The following SHISA9 variants were observed in gnomAD, a reference collection of about 807,000 sequenced individuals.
The protein encoded by SHISA9 is shisa family member 9, also known as protein shisa-9.
In SHISA9, 13 loss-of-function variants were observed where a neutral mutation model predicts 38.0. The ratio of observed to expected loss-of-function variants is 0.34; its 90% CI spans 0.22 to 0.54. The LOEUF (loss-of-function observed/expected upper bound fraction) is 0.54, where lower values mean the gene tolerates loss of function less well. Ranked by LOEUF, SHISA9 falls within the 20% of genes least tolerant of loss-of-function variation. The pLI, the probability that SHISA9 is intolerant of heterozygous loss-of-function variation, is 0.91. For missense variants in SHISA9, 538 were observed against 575.8 expected, an observed-to-expected ratio of 0.93 and a Z score of 0.67; for synonymous variants, 275 against 242.0, an observed-to-expected ratio of 1.14 and a Z score of -1.27.
chr16:13,199,763 A>G (rs894875491), intron 2 of SHISA9, among the ~76,000 whole-genome samples: 1 of 152,166 alleles, frequency 6.6e-6, no homozygotes, highest in Non-Finnish European at 1.5e-5. Context: ...CTCTGGTCCA[A>G]TCATCATTAT....
chr16:13,497,992 G>A, the SHISA9 span, among the ~76,000 whole-genome samples: 8,709 of 151,240 alleles, frequency 0.058, 476 homozygotes, highest in South Asian at 0.25. Context: ...GTGAGCAATA[G>A]AAAAAAAATC....
chr16:13,049,571 C>G (rs2073227282), intron 2 of SHISA9, among the ~76,000 whole-genome samples: 1 of 152,162 alleles, frequency 6.6e-6, no homozygotes, highest in Non-Finnish European at 1.5e-5. Flanking sequence ...GATACTGGGC[C>G]TGGCTGCATG....
chr16:13,154,470 C>T (rs2050525785), intron 2 of SHISA9, among the ~76,000 whole-genome samples: 3 of 152,216 alleles, frequency 2.0e-5, no homozygotes, highest in Admixed American at 2.0e-4. Context: ...GTGCTTTTCC[C>T]CTCCATCATG....
chr16:13,393,970 G>A, the SHISA9 span, among the ~76,000 whole-genome samples: 1 of 152,064 alleles, frequency 6.6e-6, no homozygotes, highest in Non-Finnish European at 1.5e-5. Context: ...TCTTTGCCAC[G>A]GTGCTCTACG....
chr16:13,479,962 C>T, the SHISA9 span, among the ~76,000 whole-genome samples: 3 of 152,204 alleles, frequency 2.0e-5, no homozygotes, highest in African/African-American at 7.2e-5. Context: ...CCTGAATTCA[C>T]GTTCTGCCTT....
chr16:13,059,970 A>G (rs2073355237), intron 2 of SHISA9, among the ~76,000 whole-genome samples: 1 of 152,202 alleles, frequency 6.6e-6, no homozygotes, highest in Non-Finnish European at 1.5e-5. Context: ...CATTTAAGCC[A>G]TCCTGTCTGT....
At chr16:13,389,623 T>C in the SHISA9 span, among the ~76,000 whole-genome samples, 124,287 of 152,110 alleles carry the variant, frequency 0.82, 50,913 homozygotes, top group East Asian at 0.96. Context: ...AGCCCAGGGA[T>C]CATAGCATGG....
At chr16:12,958,228 A>G (rs1202612790) in intron 2 of SHISA9, among the ~76,000 whole-genome samples, 1 of 152,264 alleles carries the variant, frequency 6.6e-6, no homozygotes, top group East Asian at 1.9e-4. Flanking sequence ...GTAGTGCGGT[A>G]TTCCATTGCA....
At chr16:13,051,093 C>T (rs201798676) in intron 2 of SHISA9, among the ~76,000 whole-genome samples, 2 of 152,118 alleles carry the variant, frequency 1.3e-5, no homozygotes, top group East Asian at 3.9e-4. Flanking sequence ...CTACTGAGTA[C>T]GTACTTGTAT....
chr16:13,459,779 C>G, the SHISA9 span, among the ~76,000 whole-genome samples: 26,200 of 152,028 alleles, frequency 0.17, 2,641 homozygotes, highest in East Asian at 0.35. Context: ...AAGCAAAGGA[C>G]AAAAGGAAAG....
At chr16:12,998,536 T>G (rs1199636779) in intron 2 of SHISA9, among the ~76,000 whole-genome samples, 1 of 152,170 alleles carries the variant, frequency 6.6e-6, no homozygotes. Context: ...TTATTCTTAT[T>G]TATTTATTTT....
chr16:13,282,603 C>G, the SHISA9 span, among the ~76,000 whole-genome samples: 1 of 151,982 alleles, frequency 6.6e-6, no homozygotes, highest in Non-Finnish European at 1.5e-5. Flanking sequence ...ACTCTTTTCT[C>G]TTTTGGAGAC....
chr16:13,272,348 C>A, the SHISA9 span, among the ~76,000 whole-genome samples: 1 of 152,096 alleles, frequency 6.6e-6, no homozygotes. Flanking sequence ...CACCCCTCTG[C>A]CACAGGTAGA....
rs1484807298 is a variant in SHISA9, at chr16:12,902,616, G to A, written c.552G>A (p.Glu184=). 1 of 1,548,386 alleles carries A rather than the reference G, an allele frequency of 6.5e-7. No individual in the cohort carries two copies. The highest frequency in any genetic ancestry group is 8.7e-7 in the Non-Finnish European group (1 of 1,145,586). The change falls in exon 1 of 5, where the codon GAG becomes GAA. Residue 184 remains glutamate (E), a synonymous_variant. Coordinates refer to ENST00000558583, the MANE Select transcript of SHISA9 (RefSeq NM_001145204.3). ...AGAAAGCGCACCGGCCCCAAAGGGA[G>A]CACATGTCCAGGTGGGCTGCCTCCC... is the stretch of plus-strand genomic sequence containing the variant. ...GLEKAHRPQR[E]HMSRALADVM... is the part of the protein sequence containing the mutation.
chr16:13,317,825 A>AT, the SHISA9 span, among the ~76,000 whole-genome samples: 125 of 152,036 alleles, frequency 8.2e-4, no homozygotes, highest in Middle Eastern at 3.4e-3. Context: ...CAACTTCATG[A>AT]TTTTTTTTCC....
chr16:12,924,102 A>G lies in SHISA9; in HGVS notation c.691+7287A>G, dbSNP rs560817944. 3.3e-5 allele frequency among the ~76,000 whole-genome samples: 5 copies of G among 152,310 alleles called. No individual in the cohort carries two copies. In the South Asian group the frequency reaches 1.0e-3, roughly 32 times the overall value. On this transcript the variant is annotated intron_variant, in intron 2 of 4. Coordinates refer to ENST00000558583, the MANE Select transcript of SHISA9 (RefSeq NM_001145204.3). ...TCCAGCCAGTCAGTGGTCTGGCTTCAGTCAATGGATCAGTGGTCTGACCCT... is the reference window on the plus strand; with the variant it reads ...TCCAGCCAGTCAGTGGTCTGGCTTCGGTCAATGGATCAGTGGTCTGACCCT...
chr16:12,993,724 A>T (rs1284632423), intron 2 of SHISA9, among the ~76,000 whole-genome samples: 1 of 152,206 alleles, frequency 6.6e-6, no homozygotes, highest in African/African-American at 2.4e-5. Context: ...TGTAGTAAAC[A>T]CAGGTTAAGA....
At chr16:13,108,751 T>A (rs749014810) in intron 2 of SHISA9, among the ~76,000 whole-genome samples, 1 of 152,224 alleles carries the variant, frequency 6.6e-6, no homozygotes, top group Non-Finnish European at 1.5e-5. Flanking sequence ...TGAATTTGAT[T>A]TGATCTTTTT....
chr16:13,490,727 C>G, the SHISA9 span, among the ~76,000 whole-genome samples: 1 of 152,172 alleles, frequency 6.6e-6, no homozygotes, highest in Non-Finnish European at 1.5e-5. Context: ...TGTTCTGTGT[C>G]TTCTTCCCTT....
Sources: gnomAD v4.1 joint callset for allele counts (sites outside exome capture counted in the v4.1 genomes callset) on GRCh38, gnomAD v4.1.1 for gene constraint, MANE v1.5 for transcripts, NCBI Gene and HGNC (gene_info 2026-07-23, HGNC 2026-07-21) for gene names.